Variants in ALMS1 observed in about 807,000 individuals in gnomAD.
ALMS1 encodes the protein centrosome-associated protein ALMS1.
In ALMS1, 271 loss-of-function variants were observed where a neutral mutation model predicts 352.2. The observed-to-expected ratio is 0.77, with a 90% confidence interval of 0.70 to 0.85. ALMS1 has a LOEUF of 0.85. Among genes scored for constraint, ALMS1 ranks in the 40% least tolerant of loss-of-function variants. The pLI is 0.00. For missense variants in ALMS1, 5,445 were observed against 4,870.7 expected, an observed-to-expected ratio of 1.12 and a Z score of -3.51; for synonymous variants, 1,865 against 1,761.2, an observed-to-expected ratio of 1.06 and a Z score of -1.48.
intron 9 of ALMS1, among the ~76,000 whole-genome samples, chr2:73,487,639 T>G (rs933463486): frequency 6.6e-6 from 1 of 152,194 alleles, no homozygotes; most frequent in Non-Finnish European, 1.5e-5. Context: ...ACAGCTCTTT[T>G]AGTCCCACCA....
intron 7 of ALMS1, 44 bp downstream of exon 7, chr2:73,432,335 C>T (rs747264158): frequency 1.2e-5 from 17 of 1,416,672 alleles, no homozygotes; most frequent in South Asian, 2.3e-5. Flanking sequence ...TTACGGATAC[C>T]TTGTGAAAAA....
At chr2:73,560,688 T>C (rs1399832914) in intron 15 of ALMS1, among the ~76,000 whole-genome samples, 2 of 152,222 alleles carry the variant, frequency 1.3e-5, no homozygotes, top group East Asian at 1.9e-4. Context: ...ATGGGAATTA[T>C]TTGTCAATAA....
chr2:73,594,331 G>A (rs1174024718), intron 16 of ALMS1, among the ~76,000 whole-genome samples: 1 of 152,166 alleles, frequency 6.6e-6, no homozygotes, highest in African/African-American at 2.4e-5. Flanking sequence ...ATTTTTAAAT[G>A]TTTACCTTTT....
chr2:73,482,333 A>G (rs1672728255), intron 9 of ALMS1, among the ~76,000 whole-genome samples: 1 of 152,188 alleles, frequency 6.6e-6, no homozygotes, highest in African/African-American at 2.4e-5. Context: ...CTATTGAGAA[A>G]ATCATGTGGT....
chr2:73,426,495 A>G lies in ALMS1; in HGVS notation c.1280A>G (p.Asp427Gly). Residue 427 changes from aspartate (D) to glycine (G), a missense_variant, in exon 6 of 23, where the codon GAT becomes GGT. Coordinates refer to ENST00000613296, the MANE Select transcript of ALMS1 (RefSeq NM_001378454.1). ...GTTGAGTCTGACGTCATTACTCTGGATGGCCTAAATGAAAATGCTGTTGTA... is the reference window on the plus strand; with the variant it reads ...GTTGAGTCTGACGTCATTACTCTGGGTGGCCTAAATGAAAATGCTGTTGTA... ...GKVESDVITL[D>G]GLNENAVVCS... The G allele has an allele frequency of 3.7e-6, 6 of 1,614,146 alleles. No homozygotes were observed. Among genetic ancestry groups the G allele is most frequent in the Middle Eastern group, 1.6e-4 (1 of 6,062 alleles).
intron 16 of ALMS1, among the ~76,000 whole-genome samples, chr2:73,591,070 G>T (rs1675423506): frequency 6.6e-6 from 1 of 151,962 alleles, no homozygotes; most frequent in African/African-American, 2.4e-5. Context: ...TAAGCCTTCT[G>T]AGTAGCTGGG....
At chr2:73,388,180 TCTAA>T (rs1472684218) in intron 1 of ALMS1, among the ~76,000 whole-genome samples, 1 of 152,348 alleles carries the variant, frequency 6.6e-6, no homozygotes, top group East Asian at 1.9e-4. Flanking sequence ...GACTAGGTCT[TCTAA>T]CTTTTATTTT....
intron 21 of ALMS1, among the ~76,000 whole-genome samples, chr2:73,606,910 G>A (rs1322261424): frequency 6.6e-6 from 1 of 152,206 alleles, no homozygotes; most frequent in East Asian, 1.9e-4. Flanking sequence ...AAAGAACATA[G>A]CTCTTTTATT....
At chr2:73,508,898 G>A (rs867383785) in intron 10 of ALMS1, among the ~76,000 whole-genome samples, 1 of 152,050 alleles carries the variant, frequency 6.6e-6, no homozygotes, top group Non-Finnish European at 1.5e-5. Context: ...TATGAATCTG[G>A]GTGCTCTTGT....
rs963605179 is a variant in ALMS1, at chr2:73,541,763, T to C, written c.9907+6814T>C. ...ACCTCTATGCGAATAAACTAGAAAATCTAGAAGAAATGGATAAATTCCTCA... is the reference window on the plus strand; with the variant it reads ...ACCTCTATGCGAATAAACTAGAAAACCTAGAAGAAATGGATAAATTCCTCA... On this transcript the variant is annotated intron_variant, in intron 12 of 22. Transcript: ENST00000613296. Among the ~76,000 whole-genome samples, 6 of 152,080 alleles carry C rather than the reference T, an allele frequency of 3.9e-5. No individual in the cohort carries two copies. In the East Asian group the frequency reaches 1.2e-3, roughly 29 times the overall value.
intron 1 of ALMS1, among the ~76,000 whole-genome samples, chr2:73,406,373 G>A (rs565740270): frequency 2.5e-4 from 37 of 148,062 alleles, no homozygotes; most frequent in African/African-American, 8.9e-4. Flanking sequence ...GCCTGTGTGT[G>A]TCCTTAGTTC....
Position 73,490,108 on chromosome 2 carries a change from T to G in ALMS1, c.8149T>G (p.Phe2717Val). ...GAAAAAGTTTACTACCTCCATCACT[T>G]TTTCATCTCACCGACATTCTAAATG... is the stretch of plus-strand genomic sequence containing the variant. ...PMKKFTTSIT[F>V]SSHRHSKCIS... The change falls in exon 10 of 23, where the codon TTT (phenylalanine) becomes GTT (valine). Residue 2717 changes from phenylalanine (F) to valine (V), a missense_variant. Coordinates refer to ENST00000613296, the MANE Select transcript of ALMS1 (RefSeq NM_001378454.1). The G allele has an allele frequency of 6.2e-7, 1 of 1,614,178 alleles. No homozygotes were observed. Among genetic ancestry groups the G allele is most frequent in the East Asian group, 2.2e-5 (1 of 44,884 alleles).
At chr2:73,418,175 T>G (rs1671215315) in intron 2 of ALMS1, among the ~76,000 whole-genome samples, 2 of 152,326 alleles carry the variant, frequency 1.3e-5, no homozygotes, top group Admixed American at 6.5e-5. Context: ...TTTAGTAAAG[T>G]GTCAGTATGT....
chr2:73,411,273 A>G (rs1671070678), intron 2 of ALMS1, among the ~76,000 whole-genome samples: 1 of 151,972 alleles, frequency 6.6e-6, no homozygotes, highest in Admixed American at 6.6e-5. Flanking sequence ...ACATCCAGGG[A>G]ATGCCTGGGG....
In ALMS1 at chr2:73,491,442, C is replaced by G. The variant is rs763793689; in HGVS notation, c.9483C>G (p.Asn3161Lys). 17 of 1,614,154 alleles carry G rather than the reference C, an allele frequency of 1.1e-5. No homozygotes were observed. Among genetic ancestry groups the G allele is most frequent in the Non-Finnish European group, 9.3e-6 (11 of 1,180,024 alleles). The change falls in exon 10 of 23, where the codon AAC becomes AAG. Residue 3161 changes from asparagine to lysine, a missense_variant. Coordinates refer to ENST00000613296, the MANE Select transcript of ALMS1 (RefSeq NM_001378454.1). ...TAACCTCCAGGCAAATACAAGTGAA[C>G]ATTTCAGATTTCGAAGGACATTCCA... Reference protein sequence around the residue: ...QIVTSRQIQVNISDFEGHSNP... With the variant: ...QIVTSRQIQVKISDFEGHSNP...
intron 15 of ALMS1, among the ~76,000 whole-genome samples, chr2:73,562,802 G>T (rs1348136317): frequency 6.6e-6 from 1 of 151,932 alleles, no homozygotes; most frequent in Non-Finnish European, 1.5e-5. Flanking sequence ...CAGGAGAAGC[G>T]CTTGATTCCG....
At chr2:73,495,812 G>T (rs1164464919) in intron 10 of ALMS1, among the ~76,000 whole-genome samples, 1 of 151,882 alleles carries the variant, frequency 6.6e-6, no homozygotes, top group Non-Finnish European at 1.5e-5. Flanking sequence ...TTCTTTATTT[G>T]TAACTTCTGT....
intron 16 of ALMS1, among the ~76,000 whole-genome samples, chr2:73,596,619 G>A (rs1438376000): frequency 1.3e-5 from 2 of 151,778 alleles, no homozygotes; most frequent in Non-Finnish European, 2.9e-5. Context: ...CTACAGGTGC[G>A]TGCCACCACA....
chr2:73,424,881 C>T lies in ALMS1; in HGVS notation c.1216C>T (p.Gln406Ter). The change falls in exon 5 of 23, where the codon CAG becomes TAG. Residue 406 changes from glutamine (Q) to a stop codon, truncating the protein, a stop_gained. Transcript: ENST00000613296. LOFTEE classifies it high-confidence loss of function. ...QYWTQEDSSK[Q>*]AETYLTKGLQ... ...TTGGACACAGGAAGATTCATCTAAGCAGGCAGAAACATATTTAACCAGTAA... is the reference window on the plus strand; with the variant it reads ...TTGGACACAGGAAGATTCATCTAAGTAGGCAGAAACATATTTAACCAGTAA... 6.2e-7 allele frequency: 1 copy of T among 1,602,048 alleles called. No homozygotes were observed. Among genetic ancestry groups the T allele is most frequent in the Non-Finnish European group, 8.5e-7 (1 of 1,173,676 alleles).
Sources: gnomAD v4.1 joint callset for allele counts (sites outside exome capture counted in the v4.1 genomes callset) on GRCh38, gnomAD v4.1.1 for gene constraint, MANE v1.5 for transcripts, NCBI Gene and HGNC (gene_info 2026-07-23, HGNC 2026-07-21) for gene names.